The following SLC8A1 variants were observed in gnomAD, a reference collection of about 807,000 sequenced individuals.
The protein encoded by SLC8A1 is solute carrier family 8 member A1.
In SLC8A1, 18 loss-of-function variants were observed where a neutral mutation model predicts 68.3. The observed-to-expected ratio is 0.26, with a 90% CI of 0.18 to 0.39. The LOEUF is 0.39. SLC8A1 is among the 10% of genes least tolerant of loss of function. The pLI, the probability that SLC8A1 is intolerant of heterozygous loss-of-function variation, is 1.00. For synonymous variants in SLC8A1, 475 were observed against 415.5 expected, an observed-to-expected ratio of 1.14 and a Z score of -1.74; for missense variants, 985 against 1,156.7, an observed-to-expected ratio of 0.85 and a Z score of 2.15.
chr2:40,341,511 A>C (rs555569819), intron 2 of SLC8A1, among the ~76,000 whole-genome samples: 1 of 152,226 alleles, frequency 6.6e-6, no homozygotes, highest in South Asian at 2.1e-4. Context: ...GGCTTTGTTG[A>C]TTTTGCAAGG....
intron 2 of SLC8A1, among the ~76,000 whole-genome samples, chr2:40,403,039 C>A (rs1349780177): frequency 2.0e-5 from 3 of 152,178 alleles, no homozygotes; most frequent in Non-Finnish European, 1.5e-5. Flanking sequence ...ATACAAATGA[C>A]ACTCAAATGT....
At position 40,293,179 on chromosome 2, in the gene SLC8A1, G is replaced by T. The variant is rs150425296; in HGVS notation, c.1809-115324C>A. The stretch of plus-strand genomic sequence containing the variant: ...AGGATCCTCCTATTCAATGTCTATT[G>T]ACCTCGTTAATTTTTATAGCATTTT... On this transcript the variant is annotated intron_variant, in intron 2 of 7. Transcript: ENST00000406785. Among the ~76,000 whole-genome samples, 295 of 152,124 alleles carry T rather than the reference G, an allele frequency of 1.9e-3. 3 individuals are homozygous for T. Among genetic ancestry groups the T allele is most frequent in the African/African-American group, 6.7e-3 (278 of 41,500 alleles).
chr2:40,286,225 A>G (rs78643539), intron 2 of SLC8A1, among the ~76,000 whole-genome samples: 1 of 152,216 alleles, frequency 6.6e-6, no homozygotes, highest in South Asian at 2.1e-4. Context: ...ACTCCATTTT[A>G]TCTTCAAGAG....
chr2:40,433,380 G>T (rs1005078520), intron 1 of SLC8A1, among the ~76,000 whole-genome samples: 1 of 152,132 alleles, frequency 6.6e-6, no homozygotes, highest in Non-Finnish European at 1.5e-5. Flanking sequence ...TTAGAAGCAA[G>T]TTTCAAAAGA....
At chr2:40,319,403 G>A (rs2074909215) in intron 2 of SLC8A1, among the ~76,000 whole-genome samples, 2 of 152,006 alleles carry the variant, frequency 1.3e-5, no homozygotes, top group African/African-American at 2.4e-5. Context: ...TCTTCTCACT[G>A]GTTTTCTGAA....
intron 1 of SLC8A1, among the ~76,000 whole-genome samples, chr2:40,484,130 C>G (rs1278680274): frequency 6.6e-6 from 1 of 152,096 alleles, no homozygotes; most frequent in Non-Finnish European, 1.5e-5. Flanking sequence ...AAAATGAATC[C>G]AAATGAAATT....
intron 4 of SLC8A1, 74 bp downstream of exon 6, chr2:40,174,632 A>G (rs565509998): frequency 3.0e-5 from 39 of 1,303,520 alleles, no homozygotes; most frequent in Non-Finnish European, 3.9e-5. Flanking sequence ...TGCAAGTTAC[A>G]TAAGATGTAG....
chr2:40,306,337 A>T (rs986174750), intron 2 of SLC8A1, among the ~76,000 whole-genome samples: 2 of 152,140 alleles, frequency 1.3e-5, no homozygotes, highest in African/African-American at 4.8e-5. Context: ...TTGGTTATTT[A>T]TCTTAATATA....
At chr2:40,342,694 A>G (rs1412267926) in intron 2 of SLC8A1, among the ~76,000 whole-genome samples, 3 of 152,176 alleles carry the variant, frequency 2.0e-5, no homozygotes, top group East Asian at 3.8e-4. Context: ...AATATACACT[A>G]TTGCAATTGT....
At chr2:40,407,564 T>G (rs1690760003) in intron 2 of SLC8A1, among the ~76,000 whole-genome samples, 1 of 152,186 alleles carries the variant, frequency 6.6e-6, no homozygotes, top group African/African-American at 2.4e-5. Context: ...TGAACAGCCT[T>G]TCCTTCCACA....
chr2:40,244,881 G>C (rs2061660467), intron 2 of SLC8A1, among the ~76,000 whole-genome samples: 1 of 152,162 alleles, frequency 6.6e-6, no homozygotes, highest in Non-Finnish European at 1.5e-5. Flanking sequence ...TTAACAAAGA[G>C]AAGGAATGTC....
chr2:40,277,226 C>T (rs1425631328), intron 2 of SLC8A1, among the ~76,000 whole-genome samples: 3 of 143,222 alleles, frequency 2.1e-5, no homozygotes, highest in African/African-American at 7.6e-5. Flanking sequence ...CCTCTCTATG[C>T]CTGTTTTTTT....
rs190253647 is a variant in SLC8A1, at chr2:40,444,387, C to A, written c.-25+7517G>T. Among the ~76,000 whole-genome samples the A allele has an allele frequency of 3.9e-5, 6 of 152,204 alleles. No individual in the cohort carries two copies. In the East Asian group the frequency reaches 1.2e-3, roughly 29 times the overall value. On this transcript the variant is annotated intron_variant, in intron 1 of 7. Coordinates refer to ENST00000406785, the Ensembl canonical transcript of SLC8A1. Reference sequence around the variant, plus strand: ...ATCTGTCTCCCTAGCCCCCACCTTTCCCAGTAAGAAAACTTGGGGCCTGAT... The same window carrying A: ...ATCTGTCTCCCTAGCCCCCACCTTTACCAGTAAGAAAACTTGGGGCCTGAT...
intron 2 of SLC8A1, among the ~76,000 whole-genome samples, chr2:40,240,160 C>G (rs984445231): frequency 6.6e-6 from 1 of 152,172 alleles, no homozygotes; most frequent in Admixed American, 6.5e-5. Context: ...GGAAAGGAAG[C>G]CTTCACAGTT....
At chr2:40,465,099 G>A (rs549604419) in intron 1 of SLC8A1, among the ~76,000 whole-genome samples, 1 of 152,110 alleles carries the variant, frequency 6.6e-6, no homozygotes, top group African/African-American at 2.4e-5. Context: ...AACTAGGGTT[G>A]TACCACTCCC....
chr2:40,362,276 A>G (rs1208816404), intron 2 of SLC8A1, among the ~76,000 whole-genome samples: 1 of 151,384 alleles, frequency 6.6e-6, no homozygotes, highest in Non-Finnish European at 1.5e-5. Flanking sequence ...GGAAAATGGA[A>G]AAAGAAAAAA....
intron 2 of SLC8A1, among the ~76,000 whole-genome samples, chr2:40,299,678 GCT>G (rs1481333726): frequency 6.6e-6 from 1 of 152,108 alleles, no homozygotes; most frequent in Non-Finnish European, 1.5e-5. Flanking sequence ...CAATGCCATT[GCT>G]CTATGCTACA....
At chr2:40,190,964 A>T (rs766254543) in intron 2 of SLC8A1, among the ~76,000 whole-genome samples, 5 of 151,176 alleles carry the variant, frequency 3.3e-5, no homozygotes, top group Admixed American at 6.7e-5. Flanking sequence ...CCCCTTAGAA[A>T]ATCTATTTGC....
At chr2:40,464,636 T>C (rs193017377) in intron 1 of SLC8A1, among the ~76,000 whole-genome samples, 1 of 152,206 alleles carries the variant, frequency 6.6e-6, no homozygotes, top group African/African-American at 2.4e-5. Context: ...TGGAGTGGTG[T>C]GGGGTTTGTC....
Sources: allele counts gnomAD v4.1 joint callset (sites outside exome capture counted in the v4.1 genomes callset), GRCh38; gene constraint gnomAD v4.1.1; transcripts MANE v1.5; gene names NCBI Gene and HGNC (gene_info 2026-07-23, HGNC 2026-07-21).